Variants in SYN2 observed in about 807,000 individuals in gnomAD.
SYN2 encodes synapsin II.
A neutral mutation model predicts 50.9 loss-of-function variants in SYN2; 19 were observed. That is an observed-to-expected ratio of 0.37 (90% CI 0.26 to 0.55). The LOEUF (loss-of-function observed/expected upper bound fraction) is 0.55. Among genes scored for constraint, SYN2 ranks in the 20% least tolerant of loss-of-function variants. SYN2 has a pLI of 0.81. For synonymous variants in SYN2, 255 were observed against 224.9 expected (o/e 1.13, Z -1.20); for missense variants, 587 against 576.4 (o/e 1.02, Z -0.19).
At chr3:12,011,687 C>G (rs1011318804) in intron 1 of SYN2, among the ~76,000 whole-genome samples, 1 of 152,184 alleles carries the variant, frequency 6.6e-6, no homozygotes, top group Non-Finnish European at 1.5e-5. Context: ...AGATCTGGCT[C>G]CACTGTTAGC....
At chr3:12,140,356 CTG>C (rs1696985773) in intron 1 of SYN2, among the ~76,000 whole-genome samples, 1 of 152,126 alleles carries the variant, frequency 6.6e-6, no homozygotes, top group African/African-American at 2.4e-5. Context: ...AAGAATAAAA[CTG>C]GGGAAATTCC....
intron 1 of SYN2, among the ~76,000 whole-genome samples, chr3:12,136,586 G>T (rs747755942): frequency 6.6e-6 from 1 of 152,192 alleles, no homozygotes; most frequent in African/African-American, 2.4e-5. Flanking sequence ...TTGTGGGGGC[G>T]TTAGGAGAGA....
At chr3:12,156,474 G>A (rs1697460679) in intron 5 of SYN2, among the ~76,000 whole-genome samples, 1 of 152,208 alleles carries the variant, frequency 6.6e-6, no homozygotes, top group South Asian at 2.1e-4. Flanking sequence ...GACCTGCAAG[G>A]AGCAGTTTTA....
intron 1 of SYN2, among the ~76,000 whole-genome samples, chr3:12,018,287 TATAGTA>T (rs1238698894): frequency 2.0e-5 from 3 of 152,054 alleles, no homozygotes; most frequent in African/African-American, 7.2e-5. Flanking sequence ...ATAGTAAAAA[TATAGTA>T]ACAGTAATGG....
chr3:12,105,260 C>G (rs1696160780), intron 1 of SYN2, among the ~76,000 whole-genome samples: 1 of 152,002 alleles, frequency 6.6e-6, no homozygotes, highest in Non-Finnish European at 1.5e-5. Context: ...GAATTCTGGG[C>G]AGAACCTTTT....
chr3:12,157,079 T>C (rs1193018783), intron 5 of SYN2: 4 of 644,494 alleles, frequency 6.2e-6, no homozygotes, highest in Non-Finnish European at 1.1e-5. Context: ...CCCTACTGGG[T>C]TATTTTCTCT....
intron 1 of SYN2, chr3:12,070,234 G>C: frequency 2.3e-6 from 1 of 429,624 alleles, no homozygotes; most frequent in Non-Finnish European, 4.6e-6. Context: ...AATGGAAGAA[G>C]AGATTGCCAT....
chr3:12,053,024 GCA>G (rs1269598007), intron 1 of SYN2, among the ~76,000 whole-genome samples: 2 of 152,066 alleles, frequency 1.3e-5, no homozygotes, highest in Non-Finnish European at 2.9e-5. Flanking sequence ...ACAGCAAAAG[GCA>G]TGGTAGATAT....
intron 1 of SYN2, among the ~76,000 whole-genome samples, chr3:12,109,682 A>G (rs971631857): frequency 1.3e-5 from 2 of 152,118 alleles, no homozygotes; most frequent in Non-Finnish European, 2.9e-5. Context: ...TCTGTAAGGA[A>G]GGGAATAAGA....
intron 1 of SYN2, among the ~76,000 whole-genome samples, chr3:12,134,820 G>A (rs944823861): frequency 6.6e-6 from 1 of 152,164 alleles, no homozygotes; most frequent in Non-Finnish European, 1.5e-5. Context: ...GTGAGTGCTA[G>A]ATGTAAATCT....
rs912333144 is a variant in SYN2, at chr3:12,158,976, G to A, written c.775-2570G>A. 1.3e-5 allele frequency: 17 copies of A among 1,312,908 alleles called. No individual in the cohort carries two copies. The African/African-American group carries it at 2.4e-4, about 19-fold the overall frequency. 81.3% of individuals were successfully genotyped at this position (1,312,908 alleles called of 1,614,324 possible). The stretch of plus-strand genomic sequence containing the variant: ...CTAAGGGCCAATCCCGCCCCGACGG[G>A]CTCCGCCTTCCTTTGGCTCTAGGCC... On this transcript the variant is annotated intron_variant, in intron 5 of 12. Coordinates refer to ENST00000621198, the MANE Select transcript of SYN2 (RefSeq NM_133625.6).
At chr3:12,040,999 A>G (rs563352238) in intron 1 of SYN2, among the ~76,000 whole-genome samples, 10 of 152,316 alleles carry the variant, frequency 6.6e-5, no homozygotes, top group East Asian at 3.9e-4. Flanking sequence ...TTTTGTTTCT[A>G]CTTCTCAGAG....
chr3:12,020,748 A>G (rs1019146540), intron 1 of SYN2, among the ~76,000 whole-genome samples: 4 of 152,078 alleles, frequency 2.6e-5, no homozygotes, highest in African/African-American at 4.8e-5. Flanking sequence ...TTTCCCATGT[A>G]CTTCATATAT....
chr3:12,145,853 C>A lies in SYN2; in HGVS notation c.684+18C>A. 2 of 1,613,206 alleles carry A rather than the reference C, an allele frequency of 1.2e-6. No individual in the cohort carries two copies. Among genetic ancestry groups the A allele is most frequent in the Non-Finnish European group, 1.7e-6 (2 of 1,179,522 alleles). On this transcript the variant is annotated intron_variant, in intron 4 of 12. Transcript: ENST00000621198. ...CATGGGTGGTGAGTGAGGCCCCCTT[C>A]CCCCAAGTAAAAGGGTAGGATTCAG...
chr3:12,130,704 G>A (rs1004491476), intron 1 of SYN2, among the ~76,000 whole-genome samples: 3 of 152,146 alleles, frequency 2.0e-5, no homozygotes, highest in African/African-American at 7.2e-5. Context: ...TTTGTATAAG[G>A]CAGTGGTGAG....
At chr3:12,156,131 G>A (rs746373291) in intron 5 of SYN2, among the ~76,000 whole-genome samples, 17 of 152,186 alleles carry the variant, frequency 1.1e-4, no homozygotes, top group Non-Finnish European at 2.1e-4. Flanking sequence ...TGGATAGATC[G>A]TGGAATCCCT....
intron 10 of SYN2, 40 bp downstream of exon 10, chr3:12,169,946 T>C: frequency 1.3e-6 from 2 of 1,563,388 alleles, no homozygotes; most frequent in Non-Finnish European, 1.7e-6. Context: ...CCAAGAACCA[T>C]TCCCAAGCCC....
intron 5 of SYN2, among the ~76,000 whole-genome samples, chr3:12,157,635 A>G (rs1055630919): frequency 3.3e-5 from 5 of 151,868 alleles, no homozygotes; most frequent in African/African-American, 1.2e-4. Flanking sequence ...GAGAAGGGGG[A>G]CCTGGAAACA....
chr3:12,096,367 T>C (rs1695933592), intron 1 of SYN2, among the ~76,000 whole-genome samples: 1 of 152,144 alleles, frequency 6.6e-6, no homozygotes, highest in South Asian at 2.1e-4. Flanking sequence ...CTTCAGAGTA[T>C]TACAGCAGGT....
Sources: allele counts gnomAD v4.1 joint callset (sites outside exome capture counted in the v4.1 genomes callset), GRCh38; gene constraint gnomAD v4.1.1; transcripts MANE v1.5; gene names NCBI Gene and HGNC (gene_info 2026-07-23, HGNC 2026-07-21).